DNAH2: variants seen among roughly 807,000 people sequenced by gnomAD.
The protein encoded by DNAH2 is dynein axonemal heavy chain 2, also known as axonemal beta dynein heavy chain 2.
In DNAH2, 323 loss-of-function variants were observed where a neutral mutation model predicts 523.5. That is an observed-to-expected ratio of 0.62 (90% CI 0.56 to 0.68). The LOEUF is 0.68. Ranked by LOEUF, DNAH2 falls within the 30% of genes least tolerant of loss-of-function variation. The probability of loss-of-function intolerance (pLI) is 0.00; values close to 1 mark genes in which losing one functional copy is unlikely to be tolerated. For synonymous variants in DNAH2, 2,093 were observed against 2,177.4 expected, an observed-to-expected ratio of 0.96 and a Z score of 1.08; for missense variants, 4,907 against 5,701.5, an observed-to-expected ratio of 0.86 and a Z score of 4.49.
rs1199721840 is a variant in DNAH2, at chr17:7,733,475, CTTTTTTT to C, written c.628+174_628+180del. Among the ~76,000 whole-genome samples the C allele has an allele frequency of 1.1e-4, 12 of 113,866 alleles. No individual in the cohort carries two copies. In the South Asian group the frequency reaches 1.4e-3, roughly 13 times the overall value. The allele number at this position is 113,866 out of a possible 152,430, so 74.7% of individuals were successfully genotyped here. ...AGGGTACAAGATCCGCCTTCTTCTT[CTTTTTTT>C]TTTTTTTTTTTTTGAGATGGAGTCT... On this transcript the variant is annotated intron_variant, in intron 5 of 85. Coordinates refer to ENST00000572933, the MANE Select transcript of DNAH2 (RefSeq NM_020877.5).
rs754444818 is a variant in DNAH2 at position 7,823,839 on chromosome 17, T to C, written c.11335T>C (p.Trp3779Arg). Residue 3779 changes from tryptophan (W) to arginine (R), a missense_variant, in exon 75 of 86, where the codon TGG becomes CGG. Trp to Arg is a moderately radical substitution (Grantham distance 101, BLOSUM62 -3). Coordinates refer to ENST00000572933, the MANE Select transcript of DNAH2 (RefSeq NM_020877.5). Reference protein sequence around the residue: ...APEKAMLPGEWENACNEMQRM... With the variant: ...APEKAMLPGERENACNEMQRM... ...ATGACTCACCTCATCCCCAGGTGAG[T>C]GGGAAAATGCCTGCAATGAAATGCA... The C allele has an allele frequency of 1.2e-6, 2 of 1,613,730 alleles. No homozygotes were observed. Among genetic ancestry groups the C allele is most frequent in the South Asian group, 1.1e-5 (1 of 91,058 alleles).
rs766173564 is a variant in DNAH2, at chr17:7,832,591, C to A, written c.12739C>A (p.Gln4247Lys). The A allele has an allele frequency of 1.2e-6, 2 of 1,614,098 alleles. No homozygotes were observed. Among genetic ancestry groups the A allele is most frequent in the South Asian group, 2.2e-5 (2 of 91,066 alleles). ...PPLWGKAYPS[Q>K]KPLAAWTRDL... The stretch of plus-strand genomic sequence containing the variant: ...ACTCCTTCCCCAGGCATACCCCTCA[C>A]AAAAGCCATTGGCTGCCTGGACCCG... Residue 4247 changes from glutamine to lysine, a missense_variant, in exon 83 of 86, where the codon CAA becomes AAA. Physicochemically the swap from Gln to Lys is moderately conservative, Grantham distance 53. Around this residue, in one of 3 missense-constraint regions of DNAH2, gnomAD observed 1,851 missense variants for 2,139.4 expected, o/e 0.87. Transcript: ENST00000572933. This position sits in a 1 kb window ranked among gnomAD's most constrained non-coding sequence, Gnocchi z 4.3.
At chr17:7,723,491 C>G (rs1029203848) in intron 2 of DNAH2, 137 bp from the exon 3 acceptor site, 6 of 670,380 alleles carry the variant, frequency 9.0e-6, no homozygotes, top group East Asian at 8.4e-5. Context: ...AGGCTGGTCT[C>G]AAACTCCTGA....
Position 7,786,498 on chromosome 17 carries a change from T to C in DNAH2, c.6349-72T>C. The C allele has an allele frequency of 6.6e-7, 1 of 1,503,890 alleles. No individual in the cohort carries two copies. Among genetic ancestry groups the C allele is most frequent in the South Asian group, 1.2e-5 (1 of 86,542 alleles). The allele number at this position is 1,503,890 out of a possible 1,614,324, so 93.2% of individuals were successfully genotyped here. A position where few individuals can be genotyped will look rare whatever the true frequency, so the allele number is the denominator to read the frequency against. On this transcript the variant is annotated intron_variant, in intron 40 of 85. Coordinates refer to ENST00000572933, the MANE Select transcript of DNAH2 (RefSeq NM_020877.5). The surrounding 1 kb of genome is among the most constrained non-coding windows in gnomAD (Gnocchi z 7.5). Reference sequence around the variant, plus strand: ...GAGAGAAGGGACAAATGCACGTACCTAAGAGGGGTCTGGAAATAAAGAGGG... The same window carrying C: ...GAGAGAAGGGACAAATGCACGTACCCAAGAGGGGTCTGGAAATAAAGAGGG...
chr17:7,783,602 T>A (rs2076659663), intron 39 of DNAH2, among the ~76,000 whole-genome samples: 1 of 151,784 alleles, frequency 6.6e-6, no homozygotes, highest in African/African-American at 2.4e-5. Flanking sequence ...GCAGGTGGAT[T>A]GCTTGAGGTG....
In DNAH2 at chr17:7,819,439, C is replaced by T. The variant is rs187890177; in HGVS notation, c.11015+31C>T. On this transcript the variant is annotated intron_variant, in intron 72 of 85. Transcript: ENST00000572933. ...AGGGTGCCCCCAACATGCCCCAGCC[C>T]GGAGGCCGAGTGGCTGTGGTTCTTC... is the stretch of plus-strand genomic sequence containing the variant. The T allele has an allele frequency of 2.6e-3, 4,190 of 1,612,968 alleles. 14 individuals are homozygous for T. The highest frequency in any genetic ancestry group is 2.5e-3 in the Non-Finnish European group (2,894 of 1,179,024).
At chr17:7,757,422 T>C (rs577024627) in intron 13 of DNAH2, among the ~76,000 whole-genome samples, 185 bp downstream of exon 13, 1 of 152,292 alleles carries the variant, frequency 6.6e-6, no homozygotes, top group Non-Finnish European at 1.5e-5. Flanking sequence ...TGTAGTTTTA[T>C]TTTCTAGCTG....
chr17:7,765,410 G>A lies in DNAH2; in HGVS notation c.3356G>A (p.Ser1119Asn). The A allele has an allele frequency of 6.2e-7, 1 of 1,613,824 alleles. No individual in the cohort carries two copies. Among genetic ancestry groups the A allele is most frequent in the Admixed American group, 1.7e-5 (1 of 60,012 alleles). Residue 1119 changes from serine to asparagine, a missense_variant, in exon 21 of 86, where the codon AGT becomes AAT. Around this residue, in one of 3 missense-constraint regions of DNAH2, gnomAD observed 2,806 missense variants for 3,190.8 expected, o/e 0.88. Coordinates refer to ENST00000572933, the MANE Select transcript of DNAH2 (RefSeq NM_020877.5). The part of the protein sequence containing the change: ...VEDSVLEMLD[S>N]LNGEWVVFQQ... Reference sequence around the variant, plus strand: ...CCCCAGGTCCTGGAGATGCTGGACAGTCTCAACGGGGAGTGGGTTGTCTTC... The same window carrying A: ...CCCCAGGTCCTGGAGATGCTGGACAATCTCAACGGGGAGTGGGTTGTCTTC...
At chr17:7,822,459 G>T (rs772861302) in intron 73 of DNAH2, among the ~76,000 whole-genome samples, 22 of 152,080 alleles carry the variant, frequency 1.4e-4, no homozygotes, top group Non-Finnish European at 2.6e-4. Context: ...CCCGGCGTGT[G>T]CACCTGGCCA....
At chr17:7,746,269 C>G (rs1036007615) in intron 12 of DNAH2, among the ~76,000 whole-genome samples, 1 of 152,150 alleles carries the variant, frequency 6.6e-6, no homozygotes, top group South Asian at 2.1e-4. Context: ...GAATGAAAAG[C>G]CTGCTCCTCT....
Position 7,786,395 on chromosome 17 carries a change from A to C in DNAH2, c.6348+53A>C. Reference sequence around the variant, plus strand: ...GGGCAGAGACTTGAGTAGTAAGAAGACAATGGAGGGTGGGGGCCAGGGAGG... The same window carrying C: ...GGGCAGAGACTTGAGTAGTAAGAAGCCAATGGAGGGTGGGGGCCAGGGAGG... On this transcript the variant is annotated intron_variant, in intron 40 of 85. Coordinates refer to ENST00000572933, the MANE Select transcript of DNAH2 (RefSeq NM_020877.5). This position sits in a 1 kb window ranked among gnomAD's most constrained non-coding sequence, Gnocchi z 7.5. 6.3e-7 allele frequency: 1 copy of C among 1,579,238 alleles called. No individual in the cohort carries two copies. Among genetic ancestry groups the C allele is most frequent in the South Asian group, 1.1e-5 (1 of 88,902 alleles).
intron 8 of DNAH2, chr17:7,738,889 C>G (rs1215944626): frequency 5.7e-6 from 4 of 696,022 alleles, no homozygotes; most frequent in Non-Finnish European, 7.9e-6. Flanking sequence ...CCAGACTGCT[C>G]TTGCCTTCCA....
rs1461940998 is a variant in DNAH2 at position 7,757,356 on chromosome 17, C to T, written c.2051+119C>T. On this transcript the variant is annotated intron_variant, in intron 13 of 85. Coordinates refer to ENST00000572933, the MANE Select transcript of DNAH2 (RefSeq NM_020877.5). ...TTTCTGTCCTCTACATCTTTTCCAT[C>T]TCAAAAAAAAAAAATTGTCTCCCAC... is the stretch of plus-strand genomic sequence containing the variant. 13 of 1,314,002 alleles carry T rather than the reference C, an allele frequency of 9.9e-6. No homozygotes were observed. In the Admixed American group the frequency reaches 2.6e-4, roughly 26 times the overall value. The allele number at this position is 1,314,002 out of a possible 1,614,324, so 81.4% of individuals were successfully genotyped here. A position where few individuals can be genotyped will look rare whatever the true frequency, so the allele number is the denominator to read the frequency against.
At chr17:7,777,925 A>T in intron 33 of DNAH2, 152 bp from the exon 34 acceptor site, 1 of 772,848 alleles carries the variant, frequency 1.3e-6, no homozygotes, top group Non-Finnish European at 2.1e-6. Context: ...CATCTTGCCC[A>T]TAAACCGCTC....
At chr17:7,792,187 C>G in intron 45 of DNAH2, 65 bp from the exon 46 acceptor site, 1 of 1,602,420 alleles carries the variant, frequency 6.2e-7, no homozygotes, top group Non-Finnish European at 8.5e-7. Flanking sequence ...GGTCTGGGGC[C>G]CGTTCTCTGG....
intron 39 of DNAH2, among the ~76,000 whole-genome samples, chr17:7,781,606 A>G (rs1175483977): frequency 6.6e-6 from 1 of 152,230 alleles, no homozygotes; most frequent in Non-Finnish European, 1.5e-5. Context: ...GAACAAGTCA[A>G]TTGACCTCTC....
At position 7,754,735 on chromosome 17, in the gene DNAH2, G is replaced by C; in HGVS notation, c.1905-2356G>C. 9.3e-7 allele frequency: 1 copy of C among 1,074,366 alleles called. No individual in the cohort carries two copies. The highest frequency in any genetic ancestry group is 1.3e-5 in the South Asian group (1 of 78,908). The allele number at this position is 1,074,366 out of a possible 1,614,324, so 66.6% of individuals were successfully genotyped here. A position where few individuals can be genotyped will look rare whatever the true frequency, so the allele number is the denominator to read the frequency against. On this transcript the variant is annotated intron_variant, in intron 12 of 85. Coordinates refer to ENST00000572933, the MANE Select transcript of DNAH2 (RefSeq NM_020877.5). This position sits in a 1 kb window ranked among gnomAD's most constrained non-coding sequence, Gnocchi z 4.6. Reference sequence around the variant, plus strand: ...CGTGCCCGCATGGCCAAGGGGCTCAGGCTGTGCCGGCCCAAGGCCAAGGCC... The same window carrying C: ...CGTGCCCGCATGGCCAAGGGGCTCACGCTGTGCCGGCCCAAGGCCAAGGCC...
At chr17:7,823,372 G>A (rs2077919241) in intron 73 of DNAH2, 70 bp from the exon 74 acceptor site, 1 of 1,071,976 alleles carries the variant, frequency 9.3e-7, no homozygotes, top group Non-Finnish European at 1.3e-6. Context: ...AGAGAGAGAG[G>A]AGAAAAAGAT....
Position 7,760,731 on chromosome 17 carries a change from C to T in DNAH2, c.2786-9C>T. ...GTCAGTGAGAAGCATCTTTCTTGGT[C>T]CTTTGAAGAGCAAGATGAGGACATC... On this transcript the variant is annotated splice_polypyrimidine_tract_variant and intron_variant, in intron 17 of 85. Transcript: ENST00000572933. This position sits in a 1 kb window ranked among gnomAD's most constrained non-coding sequence, Gnocchi z 4.0. 6.2e-7 allele frequency: 1 copy of T among 1,610,798 alleles called. No homozygotes were observed. Among genetic ancestry groups the T allele is most frequent in the Non-Finnish European group, 8.5e-7 (1 of 1,178,018 alleles).
Sources: gnomAD v4.1 joint callset for allele counts (sites outside exome capture counted in the v4.1 genomes callset) on GRCh38, gnomAD v4.1.1 for gene constraint, gnomAD v4.1.1 regional missense constraint, Gnocchi (gnomAD v3.1) non-coding constraint, MANE v1.5 for transcripts, NCBI Gene and HGNC (gene_info 2026-07-23, HGNC 2026-07-21) for gene names.